Variants in MTUS2 observed in about 807,000 individuals in gnomAD.
MTUS2 encodes microtubule associated scaffold protein 2, also known as microtubule-associated tumor suppressor candidate 2.
MTUS2 carries 40 observed loss-of-function variants against 114.1 expected under a neutral mutation model. The ratio of observed to expected loss-of-function variants is 0.35; its 90% CI spans 0.27 to 0.46. The LOEUF is 0.46. Among genes scored for constraint, MTUS2 ranks in the 20% least tolerant of loss-of-function variants. The pLI is 1.00. For missense variants in MTUS2, 1,679 were observed against 1,705.4 expected, an observed-to-expected ratio of 0.98 and a Z score of 0.27; for synonymous variants, 688 against 672.0, an observed-to-expected ratio of 1.02 and a Z score of -0.37.
In MTUS2 at chr13:28,943,095, C is replaced by T. The variant is rs117118408; in HGVS notation, c.-242-81362C>T. Among the ~76,000 whole-genome samples the T allele has an allele frequency of 4.8e-3, 725 of 152,250 alleles. 8 individuals carry two copies. The East Asian group carries it at 0.067, about 14-fold the overall frequency. The stretch of plus-strand genomic sequence containing the variant: ...TCCTCTGGCATTATGCTTAGTATCC[C>T]TTCTCAGACATTCCTATGAATGTGA... On this transcript the variant is annotated intron_variant, in intron 2 of 15. Coordinates refer to ENST00000612955, the MANE Select transcript of MTUS2 (RefSeq NM_001033602.4).
Position 29,025,641 on chromosome 13 carries a change from G to T in MTUS2, c.943G>T (p.Val315Phe). Residue 315 changes from valine to phenylalanine, a missense_variant, in exon 3 of 16, where the codon GTT (valine) becomes TTT (phenylalanine). Coordinates refer to ENST00000612955, the MANE Select transcript of MTUS2 (RefSeq NM_001033602.4). ...AGAGGCCAAGCTGGATCTGAAATAT[G>T]TTCCTCCCAGGAGAGTTGAACAGGA... ...KGEAKLDLKY[V>F]PPRRVEQEGK... The T allele has an allele frequency of 6.2e-7, 1 of 1,614,056 alleles. No homozygotes were observed. Among genetic ancestry groups the T allele is most frequent in the Non-Finnish European group, 8.5e-7 (1 of 1,179,902 alleles).
intron 6 of MTUS2, among the ~76,000 whole-genome samples, chr13:29,318,075 G>A (rs186539667): frequency 4.6e-5 from 7 of 152,302 alleles, no homozygotes; most frequent in East Asian, 3.9e-4. Context: ...GGTCAGCCCC[G>A]TGGCATGTGC....
rs777967165 is a variant in MTUS2, at chr13:29,075,027, C to T, written c.2447-25746C>T. On this transcript the variant is annotated intron_variant, in intron 4 of 15. Coordinates refer to ENST00000612955, the MANE Select transcript of MTUS2 (RefSeq NM_001033602.4). ...CGCTCCAGATTTCTCAAGCCCCAGC[C>T]CCTGGCAACTACTAATCTACTTTCT... Among the ~76,000 whole-genome samples the T allele has an allele frequency of 8.1e-4, 123 of 152,284 alleles. 1 individual carries two copies. The highest frequency in any genetic ancestry group is 1.4e-3 in the Non-Finnish European group (93 of 68,022).
chr13:29,286,772 C>T (rs961301210), intron 6 of MTUS2, among the ~76,000 whole-genome samples: 1 of 152,052 alleles, frequency 6.6e-6, no homozygotes, highest in Non-Finnish European at 1.5e-5. Flanking sequence ...CTCACTGCAA[C>T]CTCCACCTCC....
chr13:28,957,722 G>A (rs1264048132), intron 2 of MTUS2, among the ~76,000 whole-genome samples: 2 of 152,160 alleles, frequency 1.3e-5, no homozygotes, highest in Admixed American at 6.5e-5. Context: ...GTGGATACTG[G>A]GAGATGGCTG....
intron 10 of MTUS2, among the ~76,000 whole-genome samples, chr13:29,481,590 A>G (rs889146029): frequency 6.6e-6 from 1 of 152,052 alleles, no homozygotes; most frequent in South Asian, 2.1e-4. Context: ...CCCTTGGGCT[A>G]CCCTCCTCGG....
intron 8 of MTUS2, among the ~76,000 whole-genome samples, chr13:29,361,647 A>G (rs1275498961): frequency 6.6e-6 from 1 of 152,174 alleles, no homozygotes; most frequent in Non-Finnish European, 1.5e-5. Flanking sequence ...GAAACCTTCA[A>G]CAATGGAGCC....
intron 5 of MTUS2, among the ~76,000 whole-genome samples, chr13:29,114,316 G>T (rs992852849): frequency 1.3e-5 from 2 of 152,114 alleles, no homozygotes; most frequent in African/African-American, 4.8e-5. Flanking sequence ...TAAGACCATA[G>T]ATGCTGTCTT....
At chr13:29,365,819 C>T (rs1870661880) in intron 8 of MTUS2, among the ~76,000 whole-genome samples, 1 of 152,182 alleles carries the variant, frequency 6.6e-6, no homozygotes. Context: ...CAATTCTTCA[C>T]TTAAATGTCA....
At chr13:29,040,328 A>G (rs1455716670) in intron 4 of MTUS2, among the ~76,000 whole-genome samples, 1 of 152,186 alleles carries the variant, frequency 6.6e-6, no homozygotes, top group Admixed American at 6.5e-5. Flanking sequence ...TTAGTATTTC[A>G]TAGTACATTT....
At chr13:29,481,319 C>T (rs747841575) in intron 10 of MTUS2, among the ~76,000 whole-genome samples, 4 of 152,140 alleles carry the variant, frequency 2.6e-5, no homozygotes, top group Admixed American at 1.3e-4. Context: ...CCATGACTGC[C>T]GTTAGCGCTG....
chr13:28,996,506 C>T (rs542424808), intron 2 of MTUS2, among the ~76,000 whole-genome samples: 25 of 152,072 alleles, frequency 1.6e-4, no homozygotes, highest in South Asian at 2.1e-4. Flanking sequence ...TGGTAGAATT[C>T]GGCTGTGAAT....
intron 5 of MTUS2, among the ~76,000 whole-genome samples, chr13:29,121,678 C>T (rs1429456221): frequency 6.8e-6 from 1 of 148,104 alleles, no homozygotes; most frequent in African/African-American, 2.5e-5. Flanking sequence ...TTTTTTGATA[C>T]AGAGCTTTGC....
At chr13:29,260,215 A>G (rs984597170) in intron 5 of MTUS2, among the ~76,000 whole-genome samples, 9 of 152,242 alleles carry the variant, frequency 5.9e-5, no homozygotes, top group African/African-American at 2.2e-4. Context: ...TGGGCTTCCC[A>G]ATAGAACACA....
intron 2 of MTUS2, among the ~76,000 whole-genome samples, chr13:29,012,239 G>A (rs1593381583): frequency 6.6e-6 from 1 of 152,142 alleles, no homozygotes; most frequent in Admixed American, 6.5e-5. Context: ...GTGGAGAGTG[G>A]CCTAGCAGAG....
chr13:29,389,440 T>TGTATACAC (rs1872996660), intron 8 of MTUS2, among the ~76,000 whole-genome samples: 1 of 30,188 alleles, frequency 3.3e-5, no homozygotes, highest in African/African-American at 7.9e-5. Flanking sequence ...CGTGTGTGTA[T>TGTATACAC]GTGTATGTAT....
At chr13:29,261,481 A>G (rs898702318) in intron 5 of MTUS2, among the ~76,000 whole-genome samples, 20 of 152,210 alleles carry the variant, frequency 1.3e-4, no homozygotes, top group Middle Eastern at 3.2e-3. Context: ...TCTGACATGT[A>G]ATAATCCACA....
chr13:29,154,619 T>A (rs967702697), intron 5 of MTUS2, among the ~76,000 whole-genome samples: 1 of 152,224 alleles, frequency 6.6e-6, no homozygotes, highest in Non-Finnish European at 1.5e-5. Context: ...GGACATTACT[T>A]GATCCTTCTG....
chr13:28,845,985 G>A (rs1875853094), intron 2 of MTUS2, among the ~76,000 whole-genome samples: 1 of 150,828 alleles, frequency 6.6e-6, no homozygotes, highest in African/African-American at 2.4e-5. Flanking sequence ...TTAAGAACTT[G>A]ACATTACTAG....
Sources: gnomAD v4.1 joint callset for allele counts (sites outside exome capture counted in the v4.1 genomes callset) on GRCh38, gnomAD v4.1.1 for gene constraint, MANE v1.5 for transcripts, NCBI Gene and HGNC (gene_info 2026-07-23, HGNC 2026-07-21) for gene names.